Variants in DNAJC6 observed in about 807,000 individuals in gnomAD.
DNAJC6 encodes the protein auxilin.
DNAJC6 carries 34 observed loss-of-function variants against 110.0 expected under a neutral mutation model. The ratio of observed to expected loss-of-function variants is 0.31; its 90% CI spans 0.24 to 0.41. The LOEUF is 0.41. Among genes scored for constraint, DNAJC6 ranks in the 10% least tolerant of loss-of-function variants. The pLI, the probability that DNAJC6 is intolerant of heterozygous loss-of-function variation, is 1.00. For missense variants in DNAJC6, 1,031 were observed against 1,207.8 expected (o/e 0.85, Z 2.17); for synonymous variants, 406 against 437.2 (o/e 0.93, Z 0.89).
rs1645865057 is a variant in DNAJC6, at chr1:65,385,699, C to T, written c.801-13C>T. On this transcript the variant is annotated splice_polypyrimidine_tract_variant and intron_variant, in intron 6 of 18. Transcript: ENST00000371069. ...GTGATGGGCCCCAAGAGAGTGCCAA[C>T]CTTCTGTTTCAGATACCTGGGCTAT... The T allele has an allele frequency of 1.9e-6, 3 of 1,566,120 alleles. No homozygotes were observed. Among genetic ancestry groups the T allele is most frequent in the Non-Finnish European group, 2.6e-6 (3 of 1,147,414 alleles).
intron 2 of DNAJC6, 139 bp from the exon 3 acceptor site, chr1:65,365,746 G>A: frequency 1.1e-6 from 1 of 889,230 alleles, no homozygotes; most frequent in Non-Finnish European, 1.8e-6. Flanking sequence ...CTTCCTTGTT[G>A]GAGAGAAGGG....
At chr1:65,392,939 C>A in intron 12 of DNAJC6, 74 bp downstream of exon 12, 1 of 1,351,112 alleles carries the variant, frequency 7.4e-7, no homozygotes, top group Non-Finnish European at 9.7e-7. Context: ...TGGAATTGAA[C>A]TTTCCTAATA....
At chr1:65,373,072 C>A (rs1266039595) in intron 4 of DNAJC6, among the ~76,000 whole-genome samples, 1 of 152,070 alleles carries the variant, frequency 6.6e-6, no homozygotes, top group Non-Finnish European at 1.5e-5. Flanking sequence ...ATTTATCTTT[C>A]TATGCTTGGG....
intron 1 of DNAJC6, among the ~76,000 whole-genome samples, chr1:65,334,595 A>C (rs1395681060): frequency 6.6e-6 from 1 of 152,200 alleles, no homozygotes; most frequent in Non-Finnish European, 1.5e-5. Flanking sequence ...TGATAAGATA[A>C]AATTTGTATT....
chr1:65,321,722 A>C (rs1169212090), intron 1 of DNAJC6, among the ~76,000 whole-genome samples: 1 of 152,326 alleles, frequency 6.6e-6, no homozygotes, highest in South Asian at 2.1e-4. Context: ...TGTTTTTGAG[A>C]GAAGGTTCAA....
chr1:65,390,870 C>T (rs1468974802), intron 11 of DNAJC6, among the ~76,000 whole-genome samples: 9 of 152,172 alleles, frequency 5.9e-5, no homozygotes, highest in African/African-American at 1.9e-4. Flanking sequence ...TTCTTATCCC[C>T]TGTTGGCCTT....
chr1:65,349,844 T>C (rs1645474907), intron 1 of DNAJC6, among the ~76,000 whole-genome samples: 2 of 152,186 alleles, frequency 1.3e-5, no homozygotes, highest in Admixed American at 6.6e-5. Context: ...GCAATAGTTT[T>C]TAACCAGGGA....
chr1:65,350,107 T>C (rs1645477319), intron 1 of DNAJC6, among the ~76,000 whole-genome samples: 1 of 152,162 alleles, frequency 6.6e-6, no homozygotes, highest in Non-Finnish European at 1.5e-5. Flanking sequence ...ATATTGGAAA[T>C]AAAATAGTTT....
At chr1:65,301,068 CTATT>C (rs1286338137) in intron 1 of DNAJC6, among the ~76,000 whole-genome samples, 7 of 152,194 alleles carry the variant, frequency 4.6e-5, no homozygotes, top group Non-Finnish European at 1.5e-5. Context: ...CTTTGGGAAA[CTATT>C]TACCACATAA....
chr1:65,375,940 A>G (rs563670962), intron 4 of DNAJC6, among the ~76,000 whole-genome samples: 31 of 152,138 alleles, frequency 2.0e-4, no homozygotes, highest in African/African-American at 7.2e-4. Flanking sequence ...TTCCATTTTT[A>G]AAAAATAGTT....
chr1:65,379,715 G>A, intron 5 of DNAJC6, 191 bp downstream of exon 5: 1 of 777,540 alleles, frequency 1.3e-6, no homozygotes, highest in Non-Finnish European at 2.0e-6. Flanking sequence ...TTGACTACTA[G>A]TGGGAAAGGC....
At position 65,367,705 on chromosome 1, in the gene DNAJC6, A is replaced by G. The variant is rs530340187; in HGVS notation, c.543+1509A>G. 1.2e-4 allele frequency among the ~76,000 whole-genome samples: 18 copies of G among 152,320 alleles called. No homozygotes were observed. In the East Asian group the frequency reaches 3.5e-3, roughly 29 times the overall value. ...TATACATATAAAGATGTCTCTTTGT[A>G]TAATGTTTATAAAAGGCAATCTCTA... On this transcript the variant is annotated intron_variant, in intron 4 of 18. Transcript: ENST00000371069.
intron 1 of DNAJC6, among the ~76,000 whole-genome samples, chr1:65,267,681 CAGAG>C (rs554295468): frequency 0.02 from 3,020 of 151,224 alleles, 44 homozygotes; most frequent in Non-Finnish European, 0.032. Context: ...TATATACAGA[CAGAG>C]AGAGAGAGAA....
chr1:65,362,508 A>G (rs994258490), intron 1 of DNAJC6, among the ~76,000 whole-genome samples: 21 of 152,208 alleles, frequency 1.4e-4, no homozygotes, highest in African/African-American at 4.6e-4. Context: ...GAATTTCAGG[A>G]TGTGGCATAA....
chr1:65,389,599 T>C lies in DNAJC6; in HGVS notation c.1440T>C (p.Ser480=). 1 of 1,614,138 alleles carries C rather than the reference T, an allele frequency of 6.2e-7. No individual in the cohort carries two copies. The highest frequency in any genetic ancestry group is 2.2e-5 in the East Asian group (1 of 44,886). ...PPDNPRHYGQ[S]GFFASLCWQD... is the part of the protein sequence containing the mutation. Reference sequence around the variant, plus strand: ...ACAACCCCAGGCATTACGGACAAAGTGGTTTCTTTGCCTCTCTCTGTTGGC... The same window carrying C: ...ACAACCCCAGGCATTACGGACAAAGCGGTTTCTTTGCCTCTCTCTGTTGGC... Residue 480 remains serine (S), a synonymous_variant, in exon 11 of 19, where the codon AGT becomes AGC. Coordinates refer to ENST00000371069, the MANE Select transcript of DNAJC6 (RefSeq NM_001256864.2).
In DNAJC6 at chr1:65,388,338, G is replaced by T; in HGVS notation, c.1116G>T (p.Val372=). 2 of 1,613,644 alleles carry T rather than the reference G, an allele frequency of 1.2e-6. No individual in the cohort carries two copies. Among genetic ancestry groups the T allele is most frequent in the South Asian group, 1.1e-5 (1 of 91,026 alleles). ...GTGCTTCTCTCATGTATTTTTAGGTGACCAACACACAGATATTCCAGCTTC... is the reference window on the plus strand; with the variant it reads ...GTGCTTCTCTCATGTATTTTTAGGTTACCAACACACAGATATTCCAGCTTC... The part of the protein sequence containing the change: ...STIGSRLQAK[V]TNTQIFQLQF... The change falls in exon 9 of 19, where the codon GTG becomes GTT. Residue 372 remains valine (V), a splice_region_variant and synonymous_variant. Coordinates refer to ENST00000371069, the MANE Select transcript of DNAJC6 (RefSeq NM_001256864.2).
chr1:65,270,881 G>A (rs1653482001), intron 1 of DNAJC6, among the ~76,000 whole-genome samples: 1 of 152,090 alleles, frequency 6.6e-6, no homozygotes, highest in East Asian at 1.9e-4. Context: ...GTTTCACCAT[G>A]TTGGCCAGGC....
intron 1 of DNAJC6, among the ~76,000 whole-genome samples, chr1:65,338,802 G>T (rs1473660935): frequency 2.0e-5 from 3 of 152,160 alleles, no homozygotes; most frequent in Non-Finnish European, 4.4e-5. Flanking sequence ...TGAAAGATTG[G>T]ATGTGAGGTA....
intron 1 of DNAJC6, chr1:65,264,948 C>T (rs1196387656): frequency 6.2e-7 from 1 of 1,611,126 alleles, no homozygotes; most frequent in Non-Finnish European, 8.5e-7. Flanking sequence ...GGGCGGACTG[C>T]AGAAAGATGG....
Sources: gnomAD v4.1 joint callset for allele counts (sites outside exome capture counted in the v4.1 genomes callset) on GRCh38, gnomAD v4.1.1 for gene constraint, MANE v1.5 for transcripts, NCBI Gene and HGNC (gene_info 2026-07-23, HGNC 2026-07-21) for gene names.